SMURF1: variants seen among roughly 807,000 people sequenced by gnomAD.
SMURF1 encodes SMAD specific E3 ubiquitin protein ligase 1.
Under a neutral mutation model 98.0 loss-of-function variants are expected in SMURF1, and 44 were observed. The ratio of observed to expected loss-of-function variants is 0.45; its 90% CI spans 0.35 to 0.58. SMURF1 has a LOEUF of 0.58. Ranked by LOEUF, SMURF1 falls within the 20% of genes least tolerant of loss-of-function variation. The pLI is 0.00. For synonymous variants in SMURF1, 396 were observed against 374.9 expected (o/e 1.06, Z -0.65); for missense variants, 687 against 938.4 (o/e 0.73, Z 3.50).
At chr7:99,096,627 T>C (rs932544058) in intron 1 of SMURF1, among the ~76,000 whole-genome samples, 14 of 152,206 alleles carry the variant, frequency 9.2e-5, no homozygotes, top group African/African-American at 3.4e-4. Context: ...CAATCCTATA[T>C]GTGTTTGTAC....
At chr7:99,067,693 T>G (rs7779994) in intron 1 of SMURF1, among the ~76,000 whole-genome samples, 3 of 152,020 alleles carry the variant, frequency 2.0e-5, no homozygotes, top group African/African-American at 7.2e-5. Context: ...GGCTCACGCC[T>G]GTAATCCCAG....
intron 16 of SMURF1, among the ~76,000 whole-genome samples, chr7:99,034,597 C>T (rs1795056384): frequency 6.6e-6 from 1 of 152,090 alleles, no homozygotes; most frequent in South Asian, 2.1e-4. Flanking sequence ...GCCAGGCTCT[C>T]GGGGTTGTTG....
intron 11 of SMURF1, among the ~76,000 whole-genome samples, chr7:99,044,539 A>C (rs1795510358): frequency 6.6e-6 from 1 of 152,236 alleles, no homozygotes; most frequent in African/African-American, 2.4e-5. Context: ...CATAAAAGTA[A>C]TATTACAGAT....
rs137970995 is a variant in SMURF1, at chr7:99,131,198, C to T, written c.55+12528G>A. ...ATTGAGCTAATTTAACCTAGGTTTT[C>T]TGCTACTTACATCTGAAGGTATCCT... On this transcript the variant is annotated intron_variant, in intron 1 of 17. Transcript: ENST00000361368. Among the ~76,000 whole-genome samples the T allele has an allele frequency of 1.2e-4, 19 of 152,272 alleles. No individual in the cohort carries two copies. In the East Asian group the frequency reaches 3.5e-3, roughly 28 times the overall value.
At chr7:99,136,759 G>A (rs1208999198) in intron 1 of SMURF1, among the ~76,000 whole-genome samples, 8 of 152,050 alleles carry the variant, frequency 5.3e-5, no homozygotes, top group Non-Finnish European at 1.2e-4. Flanking sequence ...AAGACCAGCC[G>A]GGCAACAGGG....
chr7:99,048,106 G>C, intron 9 of SMURF1: 3 of 510,332 alleles, frequency 5.9e-6, no homozygotes, highest in Non-Finnish European at 1.1e-5. Context: ...AGGTACCCCA[G>C]GCCGGGCGTG....
At chr7:99,060,408 A>G (rs1426948151) in intron 3 of SMURF1, among the ~76,000 whole-genome samples, 191 bp downstream of exon 3, 1 of 151,730 alleles carries the variant, frequency 6.6e-6, no homozygotes, top group Non-Finnish European at 1.5e-5. Context: ...GAAAAAAGAA[A>G]GTAACAAAAT....
chr7:99,106,738 C>T (rs1487849298), intron 1 of SMURF1, among the ~76,000 whole-genome samples: 1 of 152,116 alleles, frequency 6.6e-6, no homozygotes, highest in Non-Finnish European at 1.5e-5. Flanking sequence ...ATAGCGAGAC[C>T]TTGTCTCTTG....
At chr7:99,061,008 C>T (rs1258329238) in intron 2 of SMURF1, among the ~76,000 whole-genome samples, 1 of 151,950 alleles carries the variant, frequency 6.6e-6, no homozygotes, top group East Asian at 1.9e-4. Flanking sequence ...TAATAATGCC[C>T]CGAAATTTGT....
At chr7:99,050,933 C>G in intron 8 of SMURF1, 9 of 1,550,984 alleles carry the variant, frequency 5.8e-6, no homozygotes, top group Non-Finnish European at 7.8e-6. Flanking sequence ...AGATGTATGG[C>G]CTTGTAGAAG....
At chr7:99,060,898 G>GAA (rs79545396) in intron 2 of SMURF1, among the ~76,000 whole-genome samples, 191 bp from the exon 3 acceptor site, 4 of 142,632 alleles carry the variant, frequency 2.8e-5, no homozygotes, top group Admixed American at 7.0e-5. Context: ...GAAAGTGACT[G>GAA]AAAAAAAAAA....
At chr7:99,035,843 G>T in intron 15 of SMURF1, 127 bp from the exon 16 acceptor site, 1 of 870,420 alleles carries the variant, frequency 1.1e-6, no homozygotes, top group Non-Finnish European at 1.8e-6. Flanking sequence ...TGTGTACTAG[G>T]CAGATGTTGA....
intron 1 of SMURF1, among the ~76,000 whole-genome samples, chr7:99,068,515 G>C (rs1007031859): frequency 6.6e-6 from 1 of 152,150 alleles, no homozygotes; most frequent in Non-Finnish European, 1.5e-5. Flanking sequence ...TGCCCAGGCT[G>C]CTCCAAACAC....
intron 1 of SMURF1, among the ~76,000 whole-genome samples, chr7:99,133,883 A>C (rs1171549751): frequency 6.6e-6 from 1 of 152,238 alleles, no homozygotes; most frequent in African/African-American, 2.4e-5. Flanking sequence ...AATAACATTG[A>C]ACAAAAGAAA....
chr7:99,117,970 T>C (rs1797500107), intron 1 of SMURF1, among the ~76,000 whole-genome samples: 2 of 152,082 alleles, frequency 1.3e-5, no homozygotes, highest in African/African-American at 4.8e-5. Flanking sequence ...AAATAATGGA[T>C]AAATAGTGGA....
chr7:99,034,246 C>T (rs934108522), intron 16 of SMURF1, among the ~76,000 whole-genome samples: 1 of 152,242 alleles, frequency 6.6e-6, no homozygotes, highest in African/African-American at 2.4e-5. Context: ...TGCCCTCCCA[C>T]AGCACCAGCA....
Position 99,037,235 on chromosome 7 carries a change from G to A in SMURF1, c.1689-48C>T, listed in dbSNP as rs368817796. The A allele has an allele frequency of 2.9e-5, 46 of 1,611,084 alleles. No individual in the cohort carries two copies. The African/African-American group carries it at 3.1e-4, about 11-fold the overall frequency. On this transcript the variant is annotated intron_variant, in intron 14 of 17. Transcript: ENST00000361368. ...GGATGCAACACCAAGTGGATTTTCC[G>A]CCATGGGCAGGTTTTTTTTGGAGAC...
chr7:99,067,307 AT>A lies in SMURF1; in HGVS notation c.56-5471del, dbSNP rs1311732017. Among the ~76,000 whole-genome samples, 61 of 152,058 alleles carry A rather than the reference AT, an allele frequency of 4.0e-4. 1 individual carries two copies. Among genetic ancestry groups the A allele is most frequent in the Non-Finnish European group, 1.9e-4 (13 of 67,972 alleles). On this transcript the variant is annotated intron_variant, in intron 1 of 17. Coordinates refer to ENST00000361368, the MANE Select transcript of SMURF1 (RefSeq NM_181349.3). ...CACCATGCCCAGGCTTAGATCTAGT[AT>A]TTTTTAAAAAATACATTTATGTACC...
chr7:99,046,457 G>A (rs1280971382), intron 10 of SMURF1, among the ~76,000 whole-genome samples: 3 of 152,110 alleles, frequency 2.0e-5, no homozygotes, highest in South Asian at 2.1e-4. Flanking sequence ...AGCCGGGCGC[G>A]GTGGCTCCGC....
Sources: gnomAD v4.1 joint callset for allele counts (sites outside exome capture counted in the v4.1 genomes callset) on GRCh38, gnomAD v4.1.1 for gene constraint, MANE v1.5 for transcripts, NCBI Gene and HGNC (gene_info 2026-07-23, HGNC 2026-07-21) for gene names.